The following MSTO1 variants were observed in gnomAD, a reference collection of about 807,000 sequenced individuals.
MSTO1 encodes the protein protein misato homolog 1.
MSTO1 carries 24 observed loss-of-function variants against 55.7 expected under a neutral mutation model. The observed-to-expected ratio is 0.43, with a 90% CI of 0.31 to 0.61. The LOEUF is 0.61. Among genes scored for constraint, MSTO1 ranks in the 20% least tolerant of loss-of-function variants. MSTO1 has a pLI of 0.09. For synonymous variants in MSTO1, 162 were observed against 252.8 expected, an observed-to-expected ratio of 0.64 and a Z score of 3.41; for missense variants, 363 against 625.7, an observed-to-expected ratio of 0.58 and a Z score of 4.48.
At chr1:155,588,414 T>C in the MSTO1 span, among the ~76,000 whole-genome samples, 1 of 152,106 alleles carries the variant, frequency 6.6e-6, no homozygotes, top group African/African-American at 2.4e-5. Flanking sequence ...ATTTGTTGGG[T>C]ATTATTATGT....
chr1:155,585,058 G>T, the MSTO1 span, among the ~76,000 whole-genome samples: 1 of 152,132 alleles, frequency 6.6e-6, no homozygotes, highest in Non-Finnish European at 1.5e-5. Context: ...ACCATATCCA[G>T]CCTATGTGAT....
At chr1:155,600,777 T>C in the MSTO1 span, among the ~76,000 whole-genome samples, 2 of 151,588 alleles carry the variant, frequency 1.3e-5, no homozygotes, top group African/African-American at 4.9e-5. Context: ...CCCAGGTTCA[T>C]GCCATTCTCC....
the MSTO1 span, among the ~76,000 whole-genome samples, chr1:155,598,114 G>A: frequency 1.3e-5 from 2 of 151,684 alleles, no homozygotes; most frequent in Admixed American, 1.3e-4. Flanking sequence ...CACTACACCC[G>A]GCCAGAATTT....
At chr1:155,598,820 T>C in the MSTO1 span, 2 of 1,304,162 alleles carry the variant, frequency 1.5e-6, no homozygotes. Context: ...ACATATATTT[T>C]AGATGGAGAG....
the MSTO1 span, chr1:155,590,825 A>G: frequency 6.2e-7 from 1 of 1,607,818 alleles, no homozygotes; most frequent in Middle Eastern, 1.7e-4. Context: ...GGGTTATAGA[A>G]GTCCCAGATG....
At chr1:155,571,266 A>G in the MSTO1 span, among the ~76,000 whole-genome samples, 3 of 152,332 alleles carry the variant, frequency 2.0e-5, no homozygotes, top group East Asian at 5.8e-4. Flanking sequence ...AATAGGGCCC[A>G]ACACAAATTG....
At chr1:155,600,556 C>CTTTT in the MSTO1 span, among the ~76,000 whole-genome samples, 2 of 149,892 alleles carry the variant, frequency 1.3e-5, no homozygotes, top group African/African-American at 5.0e-5. Context: ...TTTTTTCTTT[C>CTTTT]TTTTTTTTTG....
chr1:155,567,602 A>AT, the MSTO1 span, among the ~76,000 whole-genome samples: 1 of 151,808 alleles, frequency 6.6e-6, no homozygotes, highest in East Asian at 1.9e-4. Context: ...GCCCGGCCTA[A>AT]TTTTTGTATT....
At chr1:155,595,195 TGAGATGGA>T in the MSTO1 span, among the ~76,000 whole-genome samples, 1 of 132,848 alleles carries the variant, frequency 7.5e-6, no homozygotes, top group Middle Eastern at 3.6e-3. Flanking sequence ...TTTTTTTTTT[TGAGATGGA>T]GTCTCGGTCT....
the MSTO1 span, among the ~76,000 whole-genome samples, chr1:155,567,683 G>A: frequency 1.3e-5 from 2 of 150,502 alleles, no homozygotes; most frequent in African/African-American, 2.4e-5. Flanking sequence ...TGATCCACCC[G>A]TCTTGGCCTC....
chr1:155,609,578 C>T (rs1266483805), upstream of MSTO1, among the ~76,000 whole-genome samples: 1 of 151,930 alleles, frequency 6.6e-6, no homozygotes, highest in African/African-American at 2.4e-5. Context: ...TCAGTGGTGG[C>T]GTATTCATAC....
At chr1:155,599,402 C>T in the MSTO1 span, among the ~76,000 whole-genome samples, 2 of 152,074 alleles carry the variant, frequency 1.3e-5, no homozygotes, top group Admixed American at 6.6e-5. Flanking sequence ...GAGGTCACCA[C>T]GGGGTTTTTT....
chr1:155,613,141 G>C lies in MSTO1; in HGVS notation c.1191G>C (p.Trp397Cys). 6.2e-7 allele frequency: 1 copy of C among 1,613,966 alleles called. No homozygotes were observed. The highest frequency in any genetic ancestry group is 2.2e-5 in the East Asian group (1 of 44,876). Residue 397 changes from tryptophan to cysteine, a missense_variant, in exon 11 of 14, where the codon TGG becomes TGC. Trp to Cys is a radical substitution (Grantham distance 215). Around this residue, in one of 3 missense-constraint regions of MSTO1, gnomAD observed 231 missense variants for 286.9 expected, o/e 0.81. Transcript: ENST00000245564. ...TGCAGTTTGGAGGAGCCACCCCATG[G>C]ACCCCACTGTCTGCATGTGGGGAGC... ...SLMQFGGATPWTPLSACGEPS... is the reference protein window; with the variant it reads ...SLMQFGGATPCTPLSACGEPS...
the MSTO1 span, among the ~76,000 whole-genome samples, chr1:155,600,955 T>C: frequency 6.7e-5 from 10 of 148,590 alleles, no homozygotes; most frequent in South Asian, 4.3e-4. Context: ...GGATTACAGG[T>C]GTGAGCCACT....
At chr1:155,568,419 TG>T in the MSTO1 span, among the ~76,000 whole-genome samples, 2 of 151,106 alleles carry the variant, frequency 1.3e-5, no homozygotes, top group East Asian at 3.9e-4. Flanking sequence ...TTGAGATTTT[TG>T]TTTGGGTACA....
the MSTO1 span, among the ~76,000 whole-genome samples, chr1:155,578,336 C>CTTTT: frequency 6.1e-3 from 270 of 44,288 alleles, 90 homozygotes; most frequent in African/African-American, 0.01. Flanking sequence ...AACTACCTTT[C>CTTTT]TTTTTTTTTT....
At chr1:155,591,675 A>G in the MSTO1 span, among the ~76,000 whole-genome samples, 1 of 152,020 alleles carries the variant, frequency 6.6e-6, no homozygotes, top group East Asian at 1.9e-4. Context: ...CTGTAATCCC[A>G]GCTACTCGGG....
the MSTO1 span, among the ~76,000 whole-genome samples, chr1:155,595,865 A>G: frequency 6.6e-6 from 1 of 152,012 alleles, no homozygotes; most frequent in Admixed American, 6.6e-5. Context: ...AACTAACTTG[A>G]TTTGTTATGA....
the MSTO1 span, among the ~76,000 whole-genome samples, chr1:155,589,713 C>G: frequency 6.6e-6 from 1 of 151,868 alleles, no homozygotes. Flanking sequence ...AAGCATCTAG[C>G]TCAGGAGAAA....
Sources: allele counts gnomAD v4.1 joint callset (sites outside exome capture counted in the v4.1 genomes callset), GRCh38; gene constraint gnomAD v4.1.1; regional missense constraint gnomAD v4.1.1; transcripts MANE v1.5; gene names NCBI Gene and HGNC (gene_info 2026-07-23, HGNC 2026-07-21).